The following DCUN1D4 variants were observed in gnomAD, a reference collection of about 807,000 sequenced individuals.
DCUN1D4 encodes the protein defective in cullin neddylation 1 domain containing 4, also known as DCN1-like protein 4.
DCUN1D4 carries 22 observed loss-of-function variants against 47.9 expected under a neutral mutation model. That is an observed-to-expected ratio of 0.46 (90% CI 0.33 to 0.66). DCUN1D4 has a LOEUF of 0.66. Among genes scored for constraint, DCUN1D4 ranks in the 30% least tolerant of loss-of-function variants. DCUN1D4 has a pLI of 0.02. For synonymous variants in DCUN1D4, 121 were observed against 112.2 expected (o/e 1.08, Z -0.50); for missense variants, 301 against 340.8 (o/e 0.88, Z 0.92).
chr4:51,913,148 T>C, intron 9 of DCUN1D4, 142 bp from the exon 10 acceptor site: 1 of 516,540 alleles, frequency 1.9e-6, no homozygotes, highest in South Asian at 3.7e-5. Flanking sequence ...CTCACCATCC[T>C]CCTAGATTGG....
At chr4:51,884,549 C>G (rs1577971524) in intron 5 of DCUN1D4, 1 of 152,200 alleles carries the variant, frequency 6.6e-6, no homozygotes, top group Admixed American at 6.5e-5. Context: ...AGAGCGTTTC[C>G]TATATTCTGG....
intron 7 of DCUN1D4, among the ~76,000 whole-genome samples, chr4:51,896,963 TC>T (rs1020185770): frequency 6.6e-6 from 1 of 152,170 alleles, no homozygotes; most frequent in African/African-American, 2.4e-5. Flanking sequence ...CTTTCCCACT[TC>T]CTCTATCCAC....
intron 1 of DCUN1D4, among the ~76,000 whole-genome samples, chr4:51,847,777 T>TTTAGAATTTTTC (rs1722781137): frequency 6.6e-6 from 1 of 152,102 alleles, no homozygotes; most frequent in Non-Finnish European, 1.5e-5. Flanking sequence ...GTGCTGCTGT[T>TTTAGAATTTTTC]TTAGAATTTT....
At chr4:51,842,990 C>A (rs1005727038), upstream of DCUN1D4, 5 of 1,204,656 alleles carry the variant, frequency 4.2e-6, no homozygotes, top group African/African-American at 1.6e-5. Flanking sequence ...CAGGACCAAT[C>A]GTATTGGCCA....
chr4:51,873,977 AAGGTT>A (rs975032420), intron 3 of DCUN1D4, among the ~76,000 whole-genome samples: 4 of 152,230 alleles, frequency 2.6e-5, no homozygotes, highest in African/African-American at 9.6e-5. Flanking sequence ...GAGAAACAGA[AAGGTT>A]AGATGACTTA....
chr4:51,858,589 T>A (rs1301096265), intron 1 of DCUN1D4, among the ~76,000 whole-genome samples: 1 of 152,260 alleles, frequency 6.6e-6, no homozygotes, highest in Non-Finnish European at 1.5e-5. Flanking sequence ...CTCTGTTTAC[T>A]GAATTATTAT....
intron 3 of DCUN1D4, among the ~76,000 whole-genome samples, chr4:51,870,792 T>A (rs1258443061): frequency 2.0e-5 from 3 of 152,176 alleles, no homozygotes; most frequent in African/African-American, 7.2e-5. Context: ...TTGAATTGGG[T>A]GTTCTCTGTG....
intron 3 of DCUN1D4, 105 bp from the exon 4 acceptor site, chr4:51,874,166 C>A: frequency 1.7e-6 from 1 of 591,242 alleles, no homozygotes; most frequent in Non-Finnish European, 2.7e-6. Context: ...AAATTCCTTA[C>A]AATACAAGCT....
In DCUN1D4 at chr4:51,869,123, C is replaced by CAAAAA. The variant is rs531280197; in HGVS notation, c.137-5130_137-5126dup. Among the ~76,000 whole-genome samples the CAAAAA allele has an allele frequency of 2.6e-3, 101 of 38,540 alleles. 11 individuals carry two copies. Among genetic ancestry groups the CAAAAA allele is most frequent in the African/African-American group, 7.2e-3 (79 of 10,962 alleles). 25.3% of individuals were successfully genotyped at this position (38,540 alleles called of 152,430 possible). A position where few individuals can be genotyped will look rare whatever the true frequency, so the allele number is the denominator to read the frequency against. On this transcript the variant is annotated intron_variant, in intron 3 of 10. Coordinates refer to ENST00000334635, the MANE Select transcript of DCUN1D4 (RefSeq NM_001040402.3). ...TAGGCTACAGAGGGAGACTCCATCT[C>CAAAAA]AAAAAAAAAAAAAAAAAAAAAAGTC...
chr4:51,908,823 A>C (rs1369386643), intron 8 of DCUN1D4: 1 of 449,404 alleles, frequency 2.2e-6, no homozygotes, highest in Admixed American at 2.4e-5. Flanking sequence ...TCATTTGCAC[A>C]TAGCCACAAG....
intron 5 of DCUN1D4, among the ~76,000 whole-genome samples, chr4:51,879,921 T>C (rs1034229222): frequency 1.3e-5 from 2 of 152,222 alleles, no homozygotes; most frequent in African/African-American, 2.4e-5. Flanking sequence ...TCTCTGACTT[T>C]AGAAGGGTGA....
intron 1 of DCUN1D4, among the ~76,000 whole-genome samples, chr4:51,853,771 T>C (rs999089753): frequency 6.6e-6 from 1 of 152,200 alleles, no homozygotes; most frequent in Non-Finnish European, 1.5e-5. Flanking sequence ...TATTAATAGC[T>C]TAATTAGGAA....
At chr4:51,866,565 C>T (rs1279588724) in intron 3 of DCUN1D4, among the ~76,000 whole-genome samples, 3 of 151,976 alleles carry the variant, frequency 2.0e-5, no homozygotes, top group Non-Finnish European at 2.9e-5. Context: ...TAATACGTTC[C>T]TTCAGCCTCC....
At chr4:51,892,867 A>T (rs561034680) in intron 7 of DCUN1D4, among the ~76,000 whole-genome samples, 1 of 152,370 alleles carries the variant, frequency 6.6e-6, no homozygotes, top group Admixed American at 6.5e-5. Flanking sequence ...CACTTTAGGA[A>T]TAATAGATCT....
intron 1 of DCUN1D4, among the ~76,000 whole-genome samples, chr4:51,858,091 G>C (rs1051035216): frequency 2.6e-5 from 4 of 152,140 alleles, no homozygotes; most frequent in African/African-American, 9.7e-5. Flanking sequence ...GGCTCTGTTG[G>C]TCTGGCAAGG....
In DCUN1D4 at chr4:51,843,540, G is replaced by A. The variant is rs905531570; in HGVS notation, c.25+273G>A. The stretch of plus-strand genomic sequence containing the variant: ...TCTCTTTCAGTGTTGGGGGAAGGGA[G>A]GGCTGGACGTGCGATGAAGGGCCGA... On this transcript the variant is annotated intron_variant, in intron 1 of 10. Transcript: ENST00000334635. The A allele has an allele frequency of 3.9e-6, 5 of 1,285,912 alleles. No individual in the cohort carries two copies. In the African/African-American group the frequency reaches 6.3e-5, roughly 16 times the overall value. 79.7% of individuals were successfully genotyped at this position (1,285,912 alleles called of 1,614,324 possible).
At chr4:51,886,709 A>G (rs1217549579) in intron 6 of DCUN1D4, 71 bp downstream of exon 6, 11 of 1,223,964 alleles carry the variant, frequency 9.0e-6, no homozygotes, top group African/African-American at 7.8e-5. Context: ...TTCTTTAGCA[A>G]ATAAATAAAT....
chr4:51,834,071 TC>T, the DCUN1D4 span, among the ~76,000 whole-genome samples: 267 of 142,274 alleles, frequency 1.9e-3, 3 homozygotes, highest in Non-Finnish European at 2.3e-3. Flanking sequence ...TCTCTCTCTC[TC>T]TCTCTCTCTC....
chr4:51,862,385 T>C (rs541546483), intron 1 of DCUN1D4, among the ~76,000 whole-genome samples: 46 of 152,300 alleles, frequency 3.0e-4, no homozygotes, highest in African/African-American at 1.1e-3. Context: ...GGGTTCAGAG[T>C]AGCAGCACAG....
Sources: allele counts gnomAD v4.1 joint callset (sites outside exome capture counted in the v4.1 genomes callset), GRCh38; gene constraint gnomAD v4.1.1; transcripts MANE v1.5; gene names NCBI Gene and HGNC (gene_info 2026-07-23, HGNC 2026-07-21).